The following FGF18 variants were observed in gnomAD, a reference collection of about 807,000 sequenced individuals.
The protein encoded by FGF18 is fibroblast growth factor 18.
FGF18 carries 5 observed loss-of-function variants against 23.0 expected under a neutral mutation model. The ratio of observed to expected loss-of-function variants is 0.22; its 90% CI spans 0.11 to 0.46. FGF18 has a LOEUF of 0.46. Among genes scored for constraint, FGF18 ranks in the 20% least tolerant of loss-of-function variants. FGF18 has a pLI of 0.99. For synonymous variants in FGF18, 117 were observed against 118.9 expected (o/e 0.98, Z 0.10); for missense variants, 180 against 291.6 (o/e 0.62, Z 2.79).
intron 2 of FGF18, among the ~76,000 whole-genome samples, chr5:171,426,537 G>T (rs968144079): frequency 9.8e-5 from 15 of 152,352 alleles, no homozygotes; most frequent in Non-Finnish European, 2.1e-4. Context: ...GTGGGCTTTG[G>T]TCCGGCTTGC....
chr5:171,452,158 C>A (rs1181285070), intron 4 of FGF18, among the ~76,000 whole-genome samples: 1 of 152,246 alleles, frequency 6.6e-6, no homozygotes, highest in Non-Finnish European at 1.5e-5. Flanking sequence ...AGCGCCCTGG[C>A]CTTGCTGAGC....
chr5:171,426,731 AC>A (rs1042270406), intron 2 of FGF18, among the ~76,000 whole-genome samples: 7 of 152,076 alleles, frequency 4.6e-5, no homozygotes, highest in African/African-American at 9.7e-5. Flanking sequence ...GCTTTGATTT[AC>A]CCGCCTGGGT....
chr5:171,437,128 G>A (rs1320352433), intron 3 of FGF18, among the ~76,000 whole-genome samples: 2 of 152,338 alleles, frequency 1.3e-5, no homozygotes, highest in East Asian at 1.9e-4. Flanking sequence ...TCTAGGAGAT[G>A]GCCCAGGCCC....
At position 171,420,478 on chromosome 5, in the gene FGF18, C is replaced by A. The variant is rs199542906; in HGVS notation, c.69+35C>A. The A allele has an allele frequency of 2.4e-5, 38 of 1,605,672 alleles. No homozygotes were observed. The African/African-American group carries it at 4.5e-4, about 19-fold the overall frequency. ...CTCCTGACTTTGACCTCCTCCCGCC[C>A]CTGCCTCGCGGTACACGCCGACCCC... On this transcript the variant is annotated intron_variant, in intron 2 of 4. Coordinates refer to ENST00000274625, the MANE Select transcript of FGF18 (RefSeq NM_003862.3).
chr5:171,433,338 G>A (rs962128489), intron 2 of FGF18, among the ~76,000 whole-genome samples: 4 of 152,214 alleles, frequency 2.6e-5, no homozygotes, highest in Non-Finnish European at 5.9e-5. Context: ...GGGACCTGGG[G>A]GAAGGAGATT....
At chr5:171,433,980 G>GCCAC (rs1772214134) in intron 2 of FGF18, among the ~76,000 whole-genome samples, 1 of 152,202 alleles carries the variant, frequency 6.6e-6, no homozygotes, top group Non-Finnish European at 1.5e-5. Flanking sequence ...TGAGGAGGGT[G>GCCAC]CTGTTATCAT....
At chr5:171,421,696 C>T (rs1772009085) in intron 2 of FGF18, among the ~76,000 whole-genome samples, 1 of 152,152 alleles carries the variant, frequency 6.6e-6, no homozygotes, top group Non-Finnish European at 1.5e-5. Context: ...TTGTTACCCT[C>T]CTGATAGGCA....
Position 171,456,617 on chromosome 5 carries a change from T to C in FGF18, c.436T>C (p.Tyr146His). 6.2e-7 allele frequency: 1 copy of C among 1,614,018 alleles called. No homozygotes were observed. The highest frequency in any genetic ancestry group is 8.5e-7 in the Non-Finnish European group (1 of 1,180,008). Residue 146 changes from tyrosine (Y) to histidine (H), a missense_variant, in exon 5 of 5, where the codon TAC becomes CAC. Physicochemically the swap from Tyr to His is moderately conservative, Grantham distance 83. Around this residue, in one of 3 missense-constraint regions of FGF18, gnomAD observed 83 missense variants for 190.4 expected, o/e 0.44. Transcript: ENST00000274625. The surrounding 1 kb of genome is among the most constrained non-coding windows in gnomAD (Gnocchi z 6.1). Reference sequence around the variant, plus strand: ...CTACACGGCCCTGATGTCGGCTAAGTACTCCGGCTGGTACGTGGGCTTCAC... The same window carrying C: ...CTACACGGCCCTGATGTCGGCTAAGCACTCCGGCTGGTACGTGGGCTTCAC... ...NNYTALMSAK[Y>H]SGWYVGFTKK...
intron 4 of FGF18, among the ~76,000 whole-genome samples, chr5:171,454,191 G>A (rs1474733864): frequency 6.6e-6 from 1 of 152,130 alleles, no homozygotes. Context: ...GGGAGATAAA[G>A]GGAAGTCCTG....
At chr5:171,423,452 C>T (rs981320465) in intron 2 of FGF18, among the ~76,000 whole-genome samples, 7 of 152,304 alleles carry the variant, frequency 4.6e-5, no homozygotes, top group Middle Eastern at 3.4e-3. Flanking sequence ...CCGCCAGGCT[C>T]GGCTAGGTCC....
At chr5:171,450,800 G>A (rs1388219316) in intron 4 of FGF18, among the ~76,000 whole-genome samples, 1 of 152,034 alleles carries the variant, frequency 6.6e-6, no homozygotes, top group Non-Finnish European at 1.5e-5. Context: ...CTGGCCGGTC[G>A]TTTCCTGTGG....
At chr5:171,442,851 A>G (rs1772365308) in intron 3 of FGF18, among the ~76,000 whole-genome samples, 1 of 152,192 alleles carries the variant, frequency 6.6e-6, no homozygotes, top group Admixed American at 6.5e-5. Flanking sequence ...CAACCAATCA[A>G]TCAGTCAGTC....
chr5:171,443,531 T>TTTTTTTTG (rs1480484505), intron 3 of FGF18, among the ~76,000 whole-genome samples: 1 of 115,026 alleles, frequency 8.7e-6, no homozygotes, highest in South Asian at 3.1e-4. Context: ...TTTTTTTTTT[T>TTTTTTTTG]TAGCAGAGAC....
At chr5:171,447,746 T>G (rs1772439645) in intron 3 of FGF18, among the ~76,000 whole-genome samples, 1 of 152,156 alleles carries the variant, frequency 6.6e-6, no homozygotes, top group Non-Finnish European at 1.5e-5. Flanking sequence ...TAGTGTATTT[T>G]AGGGGCACTG....
chr5:171,440,498 A>G lies in FGF18; in HGVS notation c.250+4225A>G, dbSNP rs1307252542. Among the ~76,000 whole-genome samples the G allele has an allele frequency of 6.6e-6, 1 of 152,082 alleles. No individual in the cohort carries two copies. Among genetic ancestry groups the G allele is most frequent in the Non-Finnish European group, 1.5e-5 (1 of 68,010 alleles). ...TCAACGTAAATTACCAAGCCCAAGC[A>G]CCAGGGGAGGGGGCTACTGTGGTGA... is the stretch of plus-strand genomic sequence containing the variant. On this transcript the variant is annotated intron_variant, in intron 3 of 4. Coordinates refer to ENST00000274625, the MANE Select transcript of FGF18 (RefSeq NM_003862.3). The surrounding 1 kb of genome is among the most constrained non-coding windows in gnomAD (Gnocchi z 4.0).
intron 4 of FGF18, among the ~76,000 whole-genome samples, chr5:171,453,233 G>A (rs373580155): frequency 2.6e-5 from 4 of 152,222 alleles, no homozygotes; most frequent in Non-Finnish European, 5.9e-5. Context: ...GTCAAGCCCG[G>A]ATGTAGCCTG....
At chr5:171,445,223 G>A (rs1052877363) in intron 3 of FGF18, among the ~76,000 whole-genome samples, 1 of 152,170 alleles carries the variant, frequency 6.6e-6, no homozygotes, top group Non-Finnish European at 1.5e-5. Context: ...GGCAAGGAAG[G>A]GAGGCAGGGC....
intron 3 of FGF18, among the ~76,000 whole-genome samples, chr5:171,442,943 A>G (rs1425693933): frequency 6.6e-6 from 1 of 152,174 alleles, no homozygotes; most frequent in East Asian, 1.9e-4. Flanking sequence ...CTGAATCTCC[A>G]TCTGTCTCAA....
At chr5:171,455,384 T>C (rs1053207649) in intron 4 of FGF18, among the ~76,000 whole-genome samples, 1 of 152,078 alleles carries the variant, frequency 6.6e-6, no homozygotes, top group Non-Finnish European at 1.5e-5. Flanking sequence ...CACAGTGGAG[T>C]TGAGTTACAG....
Sources: allele counts gnomAD v4.1 joint callset (sites outside exome capture counted in the v4.1 genomes callset), GRCh38; gene constraint gnomAD v4.1.1; regional missense constraint gnomAD v4.1.1; non-coding constraint Gnocchi (gnomAD v3.1); transcripts MANE v1.5; gene names NCBI Gene and HGNC (gene_info 2026-07-23, HGNC 2026-07-21).